The following DNASE1 variants were observed in gnomAD, a reference collection of about 807,000 sequenced individuals.
DNASE1 encodes the protein deoxyribonuclease 1.
In DNASE1, 40 loss-of-function variants were observed where a neutral mutation model predicts 33.9. That is an observed-to-expected ratio of 1.18 (90% CI 0.92 to 1.54). DNASE1 has a LOEUF of 1.54. Among genes scored for constraint, DNASE1 ranks in the 40% most tolerant of loss-of-function variants. The pLI, the probability that DNASE1 is intolerant of heterozygous loss-of-function variation, is 0.00. For synonymous variants in DNASE1, 216 were observed against 160.0 expected, an observed-to-expected ratio of 1.35 and a Z score of -2.64; for missense variants, 518 against 372.6, an observed-to-expected ratio of 1.39 and a Z score of -3.21.
At chr16:3,655,623 A>T in intron 2 of DNASE1, 103 bp downstream of exon 2, 3 of 1,541,000 alleles carry the variant, frequency 1.9e-6, no homozygotes, top group Non-Finnish European at 2.7e-6. Flanking sequence ...GGTGTGGGGT[A>T]CTGAGCACCA....
At chr16:3,656,830 C>A in intron 5 of DNASE1, 77 bp downstream of exon 5, 1 of 1,542,314 alleles carries the variant, frequency 6.5e-7, no homozygotes, top group Non-Finnish European at 8.8e-7. Flanking sequence ...ACCTGGAATG[C>A]CTGTGTCACA....
chr16:3,658,521 A>C, downstream of DNASE1: 1 of 568,598 alleles, frequency 1.8e-6, no homozygotes, highest in Non-Finnish European at 3.1e-6. Context: ...CATCTCTACT[A>C]AAATACAAAA....
At chr16:3,612,708 G>C (rs1221631561) in intron 1 of DNASE1, among the ~76,000 whole-genome samples, 1 of 152,040 alleles carries the variant, frequency 6.6e-6, no homozygotes, top group Non-Finnish European at 1.5e-5. Context: ...CACGCCCGGC[G>C]TAAGATTTTG....
chr16:3,664,410 C>CCGG lies in DNASE1; in HGVS notation c.*6458_*6460dup, dbSNP rs201472428. The CCGG allele has an allele frequency of 5.9e-3, 9,469 of 1,612,216 alleles. 64 individuals carry two copies. The highest frequency in any genetic ancestry group is 0.021 in the South Asian group (1,902 of 90,818). On this transcript the variant is annotated 3_prime_UTR_variant, in exon 10 of 10. Coordinates refer to the DNASE1 transcript ENST00000407479. ...GTATTCTGAGAGGCTGGTTAGCTGC[C>CCGG]CGGAGGGCAGCGCCGAGGACTCGTA... is the stretch of plus-strand genomic sequence containing the variant.
At chr16:3,623,596 C>G (rs748758928) in intron 1 of DNASE1, among the ~76,000 whole-genome samples, 1 of 151,976 alleles carries the variant, frequency 6.6e-6, no homozygotes, top group Non-Finnish European at 1.5e-5. Flanking sequence ...AGGACTAATA[C>G]GTAGTATCTC....
At chr16:3,662,548 A>G (rs2043144421), downstream of DNASE1, 1 of 557,020 alleles carries the variant, frequency 1.8e-6, no homozygotes, top group African/African-American at 1.9e-5. Context: ...CACCCAAGTG[A>G]GCATGTGAGC....
chr16:3,639,681 C>T (rs988131942), upstream of DNASE1, among the ~76,000 whole-genome samples: 4 of 152,224 alleles, frequency 2.6e-5, no homozygotes, highest in Non-Finnish European at 4.4e-5. Context: ...CTTGTTTAAG[C>T]TACCATGTGG....
chr16:3,618,245 T>C (rs1228564935), intron 1 of DNASE1, among the ~76,000 whole-genome samples: 1 of 148,910 alleles, frequency 6.7e-6, no homozygotes, highest in East Asian at 2.0e-4. Flanking sequence ...AGGACAGCCA[T>C]TTCCTAAAAA....
downstream of DNASE1, chr16:3,660,654 TC>T: frequency 6.6e-6 from 1 of 152,332 alleles, no homozygotes. Flanking sequence ...AGTCAGCCTT[TC>T]CCCAGGAGTG....
chr16:3,656,808 C>G, intron 5 of DNASE1, 55 bp downstream of exon 5: 5 of 1,552,878 alleles, frequency 3.2e-6, no homozygotes, highest in Non-Finnish European at 3.5e-6. Flanking sequence ...GGCCTCCACC[C>G]CCTCCTAGGG....
chr16:3,614,462 A>C lies in DNASE1; in HGVS notation c.-1359+2456A>C, dbSNP rs2041029938. On this transcript the variant is annotated intron_variant and NMD_transcript_variant, in intron 1 of 11. Transcript: ENST00000570769. ...GAGGAAGAAATAGGAACAAGGAGAA[A>C]GTCTAGGCCAGAACCTTTATGGGGT... Among the ~76,000 whole-genome samples the C allele has an allele frequency of 2.6e-5, 4 of 152,378 alleles. 1 individual carries two copies. In the South Asian group the frequency reaches 8.3e-4, roughly 32 times the overall value.
downstream of DNASE1, chr16:3,659,456 G>A (rs1339823805): frequency 1.3e-5 from 2 of 152,264 alleles, no homozygotes; most frequent in East Asian, 3.9e-4. Context: ...CATCTCAGAA[G>A]GGGAAAGCCT....
rs750456471 is a variant in DNASE1, at chr16:3,657,154, T to C, written c.550-33T>C. 4 of 1,614,012 alleles carry C rather than the reference T, an allele frequency of 2.5e-6. No individual in the cohort carries two copies. The African/African-American group carries it at 4.0e-5, about 16-fold the overall frequency. On this transcript the variant is annotated intron_variant, in intron 6 of 8. Transcript: ENST00000246949. ...GCAGTGGGCACCAGCGGCCTCCGCA[T>C]GTCCCAGGGCCACAGGCAGCGTTTC...
chr16:3,650,144 A>G (rs2042288353), upstream of DNASE1, among the ~76,000 whole-genome samples: 1 of 152,168 alleles, frequency 6.6e-6, no homozygotes, highest in African/African-American at 2.4e-5. Context: ...TGTCTTTTAA[A>G]TTAGAAAACA....
At chr16:3,653,333 A>T (rs1039117110), upstream of DNASE1, 5 of 152,206 alleles carry the variant, frequency 3.3e-5, no homozygotes, top group East Asian at 9.6e-4. Flanking sequence ...GAGAGGATCC[A>T]TTTCTGTTAT....
At position 3,655,379 on chromosome 16, in the gene DNASE1, G is replaced by T. The variant is rs8176927; in HGVS notation, c.6G>T (p.Arg2Ser). Residue 2 changes from arginine to serine, a missense_variant, in exon 2 of 9, where the codon AGG becomes AGT. Transcript: ENST00000246949. Reference sequence around the variant, plus strand: ...GTGCCCTGTGCTCTCCCAGGATGAGGGGCATGAAGCTGCTGGGGGCGCTGC... The same window carrying T: ...GTGCCCTGTGCTCTCCCAGGATGAGTGGCATGAAGCTGCTGGGGGCGCTGC... M[R>S]GMKLLGALLA... 15,572 of 1,614,140 alleles carry T rather than the reference G, an allele frequency of 9.6e-3. 483 individuals carry two copies. In the African/African-American group the frequency reaches 0.11, roughly 11 times the overall value.
chr16:3,656,082 C>G lies in DNASE1; in HGVS notation c.237-20C>G. 6.2e-7 allele frequency: 1 copy of G among 1,614,006 alleles called. No homozygotes were observed. The highest frequency in any genetic ancestry group is 8.5e-7 in the Non-Finnish European group (1 of 1,179,960). The stretch of plus-strand genomic sequence containing the variant: ...CCCCTATGGCCCCCGCCACTGGGAC[C>G]TTTTGTTTCTTCAATCCAGGGATGC... On this transcript the variant is annotated intron_variant, in intron 3 of 8. Coordinates refer to ENST00000246949, the MANE Select transcript of DNASE1 (RefSeq NM_005223.4).
chr16:3,617,370 A>T (rs1438973907), intron 1 of DNASE1, among the ~76,000 whole-genome samples: 2 of 150,238 alleles, frequency 1.3e-5, no homozygotes, highest in Non-Finnish European at 3.0e-5. Flanking sequence ...TACAAGGGTA[A>T]ATCTTTATGA....
chr16:3,655,917 G>A lies in DNASE1; in HGVS notation c.216G>A (p.Lys72=). 1 of 1,614,088 alleles carries A rather than the reference G, an allele frequency of 6.2e-7. No homozygotes were observed. The highest frequency in any genetic ancestry group is 8.5e-7 in the Non-Finnish European group (1 of 1,180,020). Residue 72 remains lysine (K), a synonymous_variant, in exon 3 of 9, where the codon AAG becomes AAA. Coordinates refer to ENST00000246949, the MANE Select transcript of DNASE1 (RefSeq NM_005223.4). ...ACAGCCACCTGACTGCCGTGGGGAA[G>A]CTGCTGGACAACCTCAATCAGTGGG... The part of the protein sequence containing the change: ...VRDSHLTAVG[K]LLDNLNQDAP...
Sources: gnomAD v4.1 joint callset for allele counts (sites outside exome capture counted in the v4.1 genomes callset) on GRCh38, gnomAD v4.1.1 for gene constraint, MANE v1.5 for transcripts, NCBI Gene and HGNC (gene_info 2026-07-23, HGNC 2026-07-21) for gene names.